GALNT9: variants seen among roughly 807,000 people sequenced by gnomAD.
GALNT9 encodes the protein GalNAc transferase 9.
In GALNT9, 47 loss-of-function variants were observed where a neutral mutation model predicts 63.1. The observed-to-expected ratio is 0.75, with a 90% CI of 0.59 to 0.95. The LOEUF (loss-of-function observed/expected upper bound fraction) is 0.95, where lower values mean the gene tolerates loss of function less well. Ranked by LOEUF, GALNT9 falls within the 40% of genes least tolerant of loss-of-function variation. The probability of loss-of-function intolerance (pLI) is 0.00; values close to 1 mark genes in which losing one functional copy is unlikely to be tolerated. For synonymous variants in GALNT9, 396 were observed against 365.7 expected (o/e 1.08, Z -0.94); for missense variants, 829 against 874.8 (o/e 0.95, Z 0.66).
chr12:132,301,583 C>T (rs1486973032), intron 1 of GALNT9, among the ~76,000 whole-genome samples: 10 of 152,238 alleles, frequency 6.6e-5, no homozygotes, highest in African/African-American at 2.4e-5. Flanking sequence ...CATTCACCGC[C>T]GGCACAGCAG....
chr12:132,251,121 G>A (rs1167893206), intron 5 of GALNT9, among the ~76,000 whole-genome samples: 1 of 152,178 alleles, frequency 6.6e-6, no homozygotes, highest in Non-Finnish European at 1.5e-5. Context: ...ACCGGCACAC[G>A]GTACACGTAC....
At chr12:132,203,275 C>T (rs757654526) in intron 7 of GALNT9, among the ~76,000 whole-genome samples, 13 of 152,286 alleles carry the variant, frequency 8.5e-5, no homozygotes, top group African/African-American at 2.6e-4. Flanking sequence ...CCCACCACAC[C>T]GGGGTGGGTG....
rs1878862409 is a variant in GALNT9 at position 132,250,300 on chromosome 12, G to A, written c.960-2273C>T. 3.3e-5 allele frequency among the ~76,000 whole-genome samples: 5 copies of A among 152,204 alleles called. No homozygotes were observed. In the South Asian group the frequency reaches 8.3e-4, roughly 25 times the overall value. ...GGGGCTGGGGCGGGGGGAACGGGGA[G>A]TGGCGGCTCGTGGGTGTGGGGTCCC... On this transcript the variant is annotated intron_variant, in intron 5 of 10. Transcript: ENST00000328957.
chr12:132,303,239 G>A (rs1423075944), intron 1 of GALNT9, among the ~76,000 whole-genome samples: 11 of 151,930 alleles, frequency 7.2e-5, no homozygotes, highest in Admixed American at 2.6e-4. Context: ...GAGTGGATTC[G>A]TCACCAGGAG....
At position 132,197,888 on chromosome 12, in the gene GALNT9, G is replaced by A. The variant is rs182496294; in HGVS notation, c.1569C>T (p.Ser523=). 495 of 1,611,638 alleles carry A rather than the reference G, an allele frequency of 3.1e-4. 1 individual carries two copies. In the African/African-American group the frequency reaches 6.0e-3, roughly 19 times the overall value. The change falls in exon 10 of 11, where the codon TCC becomes TCT. Residue 523 remains serine, a synonymous_variant. Transcript: ENST00000328957. ...PLGSTAFLPD[S]KCLVDDGTGR... ...CCGTGCCGTCATCCACCAGACACTT[G>A]GAGTCAGGCAAGAAGGCTGTGGAGC...
At chr12:132,290,837 C>A (rs1212870709) in intron 1 of GALNT9, among the ~76,000 whole-genome samples, 8 of 54,218 alleles carry the variant, frequency 1.5e-4, no homozygotes, top group African/African-American at 8.5e-4. Context: ...ACGTCCACAG[C>A]GCACACGTCC....
chr12:132,221,892 G>A (rs1877466487), intron 6 of GALNT9, among the ~76,000 whole-genome samples: 1 of 152,044 alleles, frequency 6.6e-6, no homozygotes, highest in African/African-American at 2.4e-5. Flanking sequence ...GGTTCACATG[G>A]GAGAGTAAAA....
intron 1 of GALNT9, among the ~76,000 whole-genome samples, chr12:132,311,667 G>C (rs1593120782): frequency 6.6e-6 from 1 of 152,332 alleles, no homozygotes; most frequent in Middle Eastern, 3.4e-3. Flanking sequence ...TCCACCCTCA[G>C]ATCCCAGGAC....
intron 6 of GALNT9, among the ~76,000 whole-genome samples, chr12:132,222,977 C>G (rs1877522129): frequency 6.9e-6 from 1 of 144,292 alleles, no homozygotes; most frequent in Admixed American, 6.9e-5. Flanking sequence ...ACCCGCACCC[C>G]ACACAACCCA....
At chr12:132,285,471 C>T (rs369909788) in intron 2 of GALNT9, among the ~76,000 whole-genome samples, 1 of 152,278 alleles carries the variant, frequency 6.6e-6, no homozygotes, top group African/African-American at 2.4e-5. Flanking sequence ...TGAGGGTCAG[C>T]GACCAAGCTC....
In GALNT9 at chr12:132,296,289, C is replaced by T. The variant is rs1259954098; in HGVS notation, c.239-9859G>A. 6.6e-6 allele frequency among the ~76,000 whole-genome samples: 1 copy of T among 152,250 alleles called. No homozygotes were observed. Among genetic ancestry groups the T allele is most frequent in the African/African-American group, 2.4e-5 (1 of 41,464 alleles). On this transcript the variant is annotated intron_variant, in intron 1 of 10. Transcript: ENST00000328957. This position sits in a 1 kb window ranked among gnomAD's most constrained non-coding sequence, Gnocchi z 4.2. ...AGATGACCGCACAGCCTCATGCTCA[C>T]GCCAGCCGTCCAGCCCACTCAGACC...
rs1380696966 is a variant in GALNT9, at chr12:132,296,066, G to C, written c.239-9636C>G. ...AGGGAGAGCCTCTGAACAGGGAGAG[G>C]CTCCGGAACAGGGAGAGCCTCCGAA... is the stretch of plus-strand genomic sequence containing the variant. On this transcript the variant is annotated intron_variant, in intron 1 of 10. Coordinates refer to ENST00000328957, the MANE Select transcript of GALNT9 (RefSeq NM_001122636.2). The surrounding 1 kb of genome is among the most constrained non-coding windows in gnomAD (Gnocchi z 4.2). Among the ~76,000 whole-genome samples, 2 of 133,134 alleles carry C rather than the reference G, an allele frequency of 1.5e-5. No homozygotes were observed. The highest frequency in any genetic ancestry group is 1.5e-4 in the Admixed American group (2 of 13,502). The allele number at this position is 133,134 out of a possible 152,430, so 87.3% of individuals were successfully genotyped here.
intron 2 of GALNT9, among the ~76,000 whole-genome samples, chr12:132,267,771 TCACA>T (rs1303848324): frequency 5.6e-5 from 7 of 124,082 alleles, no homozygotes; most frequent in Non-Finnish European, 1.1e-4. Flanking sequence ...ACACATGCAC[TCACA>T]CACACGCACA....
chr12:132,202,181 C>G (rs1298959403), intron 7 of GALNT9, among the ~76,000 whole-genome samples: 1 of 152,246 alleles, frequency 6.6e-6, no homozygotes, highest in Non-Finnish European at 1.5e-5. Flanking sequence ...GGGCTCACAC[C>G]AGGGCCCTTG....
chr12:132,199,334 C>G lies in GALNT9; in HGVS notation c.1402-65G>C, dbSNP rs781385391. The G allele has an allele frequency of 3.4e-6, 4 of 1,162,134 alleles. No homozygotes were observed. The East Asian group carries it at 7.1e-5, about 21-fold the overall frequency. 72.0% of individuals were successfully genotyped at this position (1,162,134 alleles called of 1,614,324 possible). A position where few individuals can be genotyped will look rare whatever the true frequency, so the allele number is the denominator to read the frequency against. On this transcript the variant is annotated intron_variant, in intron 8 of 10. Transcript: ENST00000328957. ...GAGGGTGCGGCCCCAGGGAGCTTCA[C>G]GCAGCCAGCTCTGCAGCCAGCACCT...
At position 132,252,290 on chromosome 12, in the gene GALNT9, T is replaced by A. The variant is rs1053687451; in HGVS notation, c.960-4263A>T. Among the ~76,000 whole-genome samples, 2 of 152,158 alleles carry A rather than the reference T, an allele frequency of 1.3e-5. No individual in the cohort carries two copies. Among genetic ancestry groups the A allele is most frequent in the Admixed American group, 6.5e-5 (1 of 15,270 alleles). On this transcript the variant is annotated intron_variant, in intron 5 of 10. Coordinates refer to ENST00000328957, the MANE Select transcript of GALNT9 (RefSeq NM_001122636.2). This position sits in a 1 kb window ranked among gnomAD's most constrained non-coding sequence, Gnocchi z 5.2. ...GGAAGGGCAGAGAGTCCCAGGCACA[T>A]GGGCACCTCCTGCAGCCGCATCCCC... is the stretch of plus-strand genomic sequence containing the variant.
At chr12:132,243,409 C>A (rs968562369) in intron 6 of GALNT9, among the ~76,000 whole-genome samples, 1 of 152,112 alleles carries the variant, frequency 6.6e-6, no homozygotes. Context: ...CTGGTGGGGG[C>A]CCCAGTCCTC....
At chr12:132,197,749 T>C (rs1555232883) in intron 10 of GALNT9, 43 bp downstream of exon 10, 3 of 1,392,190 alleles carry the variant, frequency 2.2e-6, no homozygotes, top group Non-Finnish European at 3.0e-6. Context: ...CCAGCAGCCC[T>C]GCCCCGCCCC....
intron 6 of GALNT9, among the ~76,000 whole-genome samples, chr12:132,206,641 C>T (rs1291368199): frequency 6.8e-5 from 7 of 102,460 alleles, no homozygotes; most frequent in African/African-American, 9.8e-5. Flanking sequence ...AGCGAGACTC[C>T]GTCTCAAAAA....
Sources: allele counts gnomAD v4.1 joint callset (sites outside exome capture counted in the v4.1 genomes callset), GRCh38; gene constraint gnomAD v4.1.1; non-coding constraint Gnocchi (gnomAD v3.1); transcripts MANE v1.5; gene names NCBI Gene and HGNC (gene_info 2026-07-23, HGNC 2026-07-21).